ELAVL1: variants seen among roughly 807,000 people sequenced by gnomAD.
ELAVL1 encodes ELAV-like protein 1.
ELAVL1 carries 1 observed loss-of-function variant against 28.4 expected under a neutral mutation model. The observed-to-expected ratio is 0.04, with a 90% CI of 0.01 to 0.17. ELAVL1 has a LOEUF of 0.17. Ranked by LOEUF, ELAVL1 falls within the 10% of genes least tolerant of loss-of-function variation. ELAVL1 has a pLI of 1.00. For synonymous variants in ELAVL1, 174 were observed against 183.5 expected, an observed-to-expected ratio of 0.95 and a Z score of 0.42; for missense variants, 157 against 447.2, an observed-to-expected ratio of 0.35 and a Z score of 5.85.
At position 7,992,740 on chromosome 19, in the gene ELAVL1, G is replaced by A. The variant is rs150006325; in HGVS notation, c.-16-909C>T. Among the ~76,000 whole-genome samples, 925 of 152,254 alleles carry A rather than the reference G, an allele frequency of 6.1e-3. 8 individuals carry two copies. The highest frequency in any genetic ancestry group is 0.021 in the African/African-American group (874 of 41,552). On this transcript the variant is annotated intron_variant, in intron 1 of 5. Transcript: ENST00000407627. ...CAGAGTGAACTCTAATCTGAATTAC[G>A]TGCTTTAGTTACTAATAATGTGTCA...
intron 1 of ELAVL1, among the ~76,000 whole-genome samples, chr19:7,996,813 CA>C (rs942837172): frequency 6.6e-6 from 1 of 151,964 alleles, no homozygotes; most frequent in Admixed American, 6.6e-5. Flanking sequence ...ACTCCATCTC[CA>C]AAAACCAAAA....
At chr19:7,967,039 T>A (rs1465600571) in intron 5 of ELAVL1, among the ~76,000 whole-genome samples, 4 of 150,968 alleles carry the variant, frequency 2.6e-5, no homozygotes, top group Non-Finnish European at 5.9e-5. Flanking sequence ...TTTTTTTTTT[T>A]AATAAAAACA....
intron 4 of ELAVL1, among the ~76,000 whole-genome samples, chr19:7,972,633 CTTTTTTT>C (rs34254806): frequency 4.0e-4 from 60 of 149,942 alleles, no homozygotes; most frequent in Non-Finnish European, 3.7e-4. Context: ...TTTTCTTTTT[CTTTTTTT>C]TTAAGAAACA....
Position 7,981,829 on chromosome 19 carries a change from G to A in ELAVL1, c.173-643C>T, listed in dbSNP as rs923616481. On this transcript the variant is annotated intron_variant, in intron 2 of 5. Transcript: ENST00000407627. The surrounding 1 kb of genome is among the most constrained non-coding windows in gnomAD (Gnocchi z 4.2). ...GGGTGGTGAGGATGAGGAAGGCCAC[G>A]GCAGTGGACAGGCTGGTGGGACCCC... 4.4e-4 allele frequency among the ~76,000 whole-genome samples: 67 copies of A among 151,278 alleles called. No homozygotes were observed. Among genetic ancestry groups the A allele is most frequent in the African/African-American group, 7.0e-4 (29 of 41,178 alleles).
intron 4 of ELAVL1, among the ~76,000 whole-genome samples, chr19:7,968,126 T>C (rs1413814319): frequency 6.6e-6 from 1 of 152,218 alleles, no homozygotes; most frequent in East Asian, 1.9e-4. Context: ...ACCGTCACTA[T>C]TTAGCTGCCA....
At chr19:7,980,618 C>T (rs1375993366) in intron 3 of ELAVL1, among the ~76,000 whole-genome samples, 1 of 152,198 alleles carries the variant, frequency 6.6e-6, no homozygotes, top group East Asian at 1.9e-4. Flanking sequence ...ACGGCAACTG[C>T]CGGTCACACA....
At chr19:7,985,662 C>T (rs936630062) in intron 2 of ELAVL1, among the ~76,000 whole-genome samples, 1 of 152,096 alleles carries the variant, frequency 6.6e-6, no homozygotes, top group Non-Finnish European at 1.5e-5. Context: ...TGTCAGTGCT[C>T]GGGGGGCAAA....
At chr19:7,995,783 TAAA>T (rs36099865) in intron 1 of ELAVL1, among the ~76,000 whole-genome samples, 2 of 145,702 alleles carry the variant, frequency 1.4e-5, no homozygotes, top group African/African-American at 2.5e-5. Context: ...CCCACTTCGT[TAAA>T]AAAAAAAAAA....
chr19:7,976,295 G>C (rs1225651770), intron 3 of ELAVL1, among the ~76,000 whole-genome samples: 1 of 151,536 alleles, frequency 6.6e-6, no homozygotes, highest in Non-Finnish European at 1.5e-5. Flanking sequence ...CCAGCTACTC[G>C]GGAGGCTGAG....
At chr19:8,002,632 G>C (rs950603898) in intron 1 of ELAVL1, among the ~76,000 whole-genome samples, 2 of 152,236 alleles carry the variant, frequency 1.3e-5, no homozygotes, top group Admixed American at 1.3e-4. Context: ...AACTGAATGG[G>C]ATGGGAACAC....
At chr19:7,977,722 C>A (rs1253968855) in intron 3 of ELAVL1, among the ~76,000 whole-genome samples, 1 of 152,264 alleles carries the variant, frequency 6.6e-6, no homozygotes, top group Non-Finnish European at 1.5e-5. Context: ...CCAAAGAGGA[C>A]AGAGCGGACG....
chr19:8,001,916 C>G, intron 1 of ELAVL1: 2 of 519,694 alleles, frequency 3.8e-6, no homozygotes, highest in Non-Finnish European at 6.5e-6. Flanking sequence ...CCAGTCCTGA[C>G]CCTCAAGCGG....
chr19:7,973,635 T>C (rs762538846), intron 4 of ELAVL1, 90 bp downstream of exon 4: 20 of 1,490,958 alleles, frequency 1.3e-5, no homozygotes, highest in Admixed American at 1.0e-4. Context: ...ACTAATGACA[T>C]TTAAAATCAA....
chr19:7,997,876 G>A (rs1269928449), intron 1 of ELAVL1, among the ~76,000 whole-genome samples: 1 of 152,116 alleles, frequency 6.6e-6, no homozygotes, highest in Admixed American at 6.6e-5. Flanking sequence ...ACTAGAGCCT[G>A]GGAGGTCAAT....
At chr19:7,995,127 C>A (rs1450203822) in intron 1 of ELAVL1, among the ~76,000 whole-genome samples, 1 of 152,116 alleles carries the variant, frequency 6.6e-6, no homozygotes, top group African/African-American at 2.4e-5. Flanking sequence ...TCTGTTACAC[C>A]ATCTGTGGCC....
chr19:7,981,263 T>C lies in ELAVL1; in HGVS notation c.173-77A>G, dbSNP rs1985455872. 7.1e-6 allele frequency: 10 copies of C among 1,408,402 alleles called. No individual in the cohort carries two copies. The highest frequency in any genetic ancestry group is 1.0e-5 in the Non-Finnish European group (10 of 994,272). 87.2% of individuals were successfully genotyped at this position (1,408,402 alleles called of 1,614,324 possible). On this transcript the variant is annotated intron_variant, in intron 2 of 5. Coordinates refer to ENST00000407627, the MANE Select transcript of ELAVL1 (RefSeq NM_001419.3). This position sits in a 1 kb window ranked among gnomAD's most constrained non-coding sequence, Gnocchi z 4.2. ...GACAGGGAGGTCGGGAAGCACTATA[T>C]CTGCCTGGCCTTTGGGAAATGGGAT...
chr19:7,995,844 A>C (rs1408019754), intron 1 of ELAVL1, among the ~76,000 whole-genome samples: 1 of 152,050 alleles, frequency 6.6e-6, no homozygotes, highest in Non-Finnish European at 1.5e-5. Context: ...TGCTCTGTGA[A>C]AGATACTGCT....
chr19:7,973,713 C>T lies in ELAVL1; in HGVS notation c.430+12G>A. The T allele has an allele frequency of 2.5e-6, 4 of 1,610,414 alleles. No homozygotes were observed. The highest frequency in any genetic ancestry group is 3.4e-6 in the Non-Finnish European group (4 of 1,177,210). ...GAACACCCTCCCCACGCGTCTGGGG[C>T]CCCTCTGGTACCTGTAGTCTGATCC... On this transcript the variant is annotated intron_variant, in intron 4 of 5. Transcript: ENST00000407627.
Position 7,961,897 on chromosome 19 carries a change from G to C in ELAVL1, c.*1586C>G, listed in dbSNP as rs572931589. 3 of 152,362 alleles carry C rather than the reference G, an allele frequency of 2.0e-5. No individual in the cohort carries two copies. The highest frequency in any genetic ancestry group is 2.9e-5 in the Non-Finnish European group (2 of 68,008). 9.4% of individuals were successfully genotyped at this position (152,362 alleles called of 1,614,324 possible). A position where few individuals can be genotyped will look rare whatever the true frequency, so the allele number is the denominator to read the frequency against. On this transcript the variant is annotated 3_prime_UTR_variant, in exon 6 of 6. Transcript: ENST00000407627. Reference sequence around the variant, plus strand: ...GATAAATACAGCCATCATCTCATGAGAGCAATAACTAAAAAACAGCCTACG... The same window carrying C: ...GATAAATACAGCCATCATCTCATGACAGCAATAACTAAAAAACAGCCTACG...
Sources: allele counts gnomAD v4.1 joint callset (sites outside exome capture counted in the v4.1 genomes callset), GRCh38; gene constraint gnomAD v4.1.1; non-coding constraint Gnocchi (gnomAD v3.1); transcripts MANE v1.5; gene names NCBI Gene and HGNC (gene_info 2026-07-23, HGNC 2026-07-21).